Variants in FAT3 observed in about 807,000 individuals in gnomAD.
FAT3 encodes the protein protocadherin Fat 3.
A neutral mutation model predicts 310.2 loss-of-function variants in FAT3; 95 were observed. That is an observed-to-expected ratio of 0.31 (90% confidence interval 0.26 to 0.36). FAT3 has a LOEUF of 0.36. FAT3 is among the 10% of genes least tolerant of loss of function. FAT3 has a pLI of 1.00. For missense variants in FAT3, 5,408 were observed against 5,715.6 expected, an observed-to-expected ratio of 0.95 and a Z score of 1.74; for synonymous variants, 2,314 against 2,192.9, an observed-to-expected ratio of 1.06 and a Z score of -1.54.
intron 2 of FAT3, among the ~76,000 whole-genome samples, chr11:92,415,241 T>C (rs1388829560): frequency 6.6e-6 from 1 of 152,222 alleles, no homozygotes; most frequent in East Asian, 1.9e-4. Flanking sequence ...AGAATAATCC[T>C]GCCATTTCAG....
At chr11:92,853,648 G>A (rs756158637) in intron 19 of FAT3, among the ~76,000 whole-genome samples, 5 of 152,128 alleles carry the variant, frequency 3.3e-5, no homozygotes, top group East Asian at 1.9e-4. Context: ...GGAGCCCCGC[G>A]GTGGGTAGCC....
intron 13 of FAT3, among the ~76,000 whole-genome samples, chr11:92,811,960 T>G (rs1467958190): frequency 6.6e-6 from 1 of 152,168 alleles, no homozygotes; most frequent in East Asian, 1.9e-4. Context: ...ACTGAGCACC[T>G]ACTGTGCCTT....
intron 1 of FAT3, among the ~76,000 whole-genome samples, chr11:92,272,166 G>A (rs1204424458): frequency 6.6e-6 from 1 of 152,094 alleles, no homozygotes; most frequent in Non-Finnish European, 1.5e-5. Flanking sequence ...GTGATGGAAG[G>A]AGCAGCAAAG....
chr11:92,818,711 T>C (rs577671493), intron 13 of FAT3, among the ~76,000 whole-genome samples: 4 of 152,320 alleles, frequency 2.6e-5, no homozygotes, highest in South Asian at 4.2e-4. Flanking sequence ...TCTTCTGTAA[T>C]GTAAGAATGA....
chr11:92,325,063 A>G (rs1799687500), intron 1 of FAT3, among the ~76,000 whole-genome samples: 1 of 152,210 alleles, frequency 6.6e-6, no homozygotes, highest in African/African-American at 2.4e-5. Context: ...CTGGGGAGAT[A>G]TCTCTGGAAT....
At chr11:92,291,202 G>A (rs1946683955) in intron 1 of FAT3, among the ~76,000 whole-genome samples, 1 of 151,906 alleles carries the variant, frequency 6.6e-6, no homozygotes, top group Non-Finnish European at 1.5e-5. Flanking sequence ...AACTTGTCCA[G>A]TACAAAGATG....
intron 3 of FAT3, among the ~76,000 whole-genome samples, chr11:92,612,914 T>C (rs532503188): frequency 6.6e-6 from 1 of 152,228 alleles, no homozygotes; most frequent in Admixed American, 6.5e-5. Flanking sequence ...GGAAGATGTG[T>C]GGGAAATGGT....
intron 1 of FAT3, among the ~76,000 whole-genome samples, chr11:92,282,157 C>A (rs535758317): frequency 3.3e-5 from 5 of 152,118 alleles, no homozygotes; most frequent in African/African-American, 1.2e-4. Context: ...CTGCCTGCCT[C>A]AGCCTCCCAA....
intron 1 of FAT3, among the ~76,000 whole-genome samples, chr11:92,251,228 G>T (rs1735443349): frequency 6.6e-6 from 1 of 152,146 alleles, no homozygotes; most frequent in Non-Finnish European, 1.5e-5. Flanking sequence ...GGTAGGTTCT[G>T]TCATCCATCT....
At chr11:92,585,320 G>A (rs1253923199) in intron 3 of FAT3, among the ~76,000 whole-genome samples, 3 of 151,930 alleles carry the variant, frequency 2.0e-5, no homozygotes, top group Non-Finnish European at 2.9e-5. Context: ...GACATCTTAA[G>A]GTAAAAAGAT....
At chr11:92,453,847 C>T (rs1417016405) in intron 2 of FAT3, among the ~76,000 whole-genome samples, 1 of 152,104 alleles carries the variant, frequency 6.6e-6, no homozygotes, top group Non-Finnish European at 1.5e-5. Flanking sequence ...TTGTAGACCT[C>T]ATGATCTAAA....
chr11:92,712,927 T>TA (rs1270355615), intron 4 of FAT3, among the ~76,000 whole-genome samples: 3 of 152,182 alleles, frequency 2.0e-5, no homozygotes, highest in African/African-American at 7.2e-5. Flanking sequence ...TGAAGTTGCT[T>TA]AATAAATGGT....
intron 2 of FAT3, among the ~76,000 whole-genome samples, chr11:92,440,643 C>T (rs1174825979): frequency 2.0e-5 from 3 of 152,042 alleles, no homozygotes; most frequent in African/African-American, 7.2e-5. Flanking sequence ...ATCAAAGAAA[C>T]CAAGAAGGAA....
chr11:92,644,819 G>T (rs1370036734), intron 3 of FAT3, among the ~76,000 whole-genome samples: 1 of 152,196 alleles, frequency 6.6e-6, no homozygotes, highest in Non-Finnish European at 1.5e-5. Flanking sequence ...ATCTCACAGA[G>T]AATCCTTTCT....
chr11:92,502,866 C>T (rs1952984665), intron 2 of FAT3, among the ~76,000 whole-genome samples: 1 of 151,972 alleles, frequency 6.6e-6, no homozygotes, highest in Non-Finnish European at 1.5e-5. Flanking sequence ...GAATGCAAAT[C>T]CTGCTTCTAT....
chr11:92,232,628 GTTTTTTTTTTTT>G (rs56273706), intron 1 of FAT3, among the ~76,000 whole-genome samples: 1 of 74,730 alleles, frequency 1.3e-5, no homozygotes, highest in Non-Finnish European at 2.4e-5. Context: ...CAGTGATGTC[GTTTTTTTTTTTT>G]TTTTTTTTTT....
intron 3 of FAT3, among the ~76,000 whole-genome samples, chr11:92,624,612 G>A (rs980388827): frequency 6.6e-6 from 1 of 152,150 alleles, no homozygotes; most frequent in Non-Finnish European, 1.5e-5. Context: ...TAATAAGGTG[G>A]TAGAGAGAAA....
chr11:92,335,330 A>G (rs1948038701), intron 1 of FAT3, among the ~76,000 whole-genome samples: 1 of 152,078 alleles, frequency 6.6e-6, no homozygotes, highest in Admixed American at 6.6e-5. Context: ...TTGACTTGTT[A>G]TTTAGGTTAA....
rs186008026 is a variant in FAT3, at chr11:92,236,210, G to A, written c.-18+11036G>A. Reference sequence around the variant, plus strand: ...ATTCTGAGGCCCAGATGCCCACTGGGGTATGGGTCACTCCATAGTGACCAT... The same window carrying A: ...ATTCTGAGGCCCAGATGCCCACTGGAGTATGGGTCACTCCATAGTGACCAT... On this transcript the variant is annotated intron_variant, in intron 1 of 27. Coordinates refer to ENST00000525166, the MANE Select transcript of FAT3 (RefSeq NM_001367949.2). Among the ~76,000 whole-genome samples the A allele has an allele frequency of 9.2e-5, 14 of 152,218 alleles. No individual in the cohort carries two copies. In the East Asian group the frequency reaches 2.1e-3, roughly 23 times the overall value.
Sources: gnomAD v4.1 joint callset for allele counts (sites outside exome capture counted in the v4.1 genomes callset) on GRCh38, gnomAD v4.1.1 for gene constraint, MANE v1.5 for transcripts, NCBI Gene and HGNC (gene_info 2026-07-23, HGNC 2026-07-21) for gene names.